Variants in CENPE observed in about 807,000 individuals in gnomAD.
CENPE encodes centromere-associated protein E.
Under a neutral mutation model 336.1 loss-of-function variants are expected in CENPE, and 145 were observed. The observed-to-expected ratio is 0.43, with a 90% CI of 0.38 to 0.50. The LOEUF is 0.50. Among genes scored for constraint, CENPE ranks in the 20% least tolerant of loss-of-function variants. CENPE has a pLI of 0.00. For missense variants in CENPE, 2,719 were observed against 3,023.3 expected (o/e 0.90, Z 2.36); for synonymous variants, 1,013 against 984.8 (o/e 1.03, Z -0.54).
intron 36 of CENPE, 48 bp downstream of exon 36, chr4:103,140,765 GC>G: frequency 2.0e-6 from 3 of 1,475,614 alleles, no homozygotes; most frequent in Non-Finnish European, 2.7e-6. Flanking sequence ...CTGTATTTTT[GC>G]CCAAATATGT....
intron 16 of CENPE, among the ~76,000 whole-genome samples, chr4:103,167,201 T>C (rs1032333861): frequency 1.3e-5 from 2 of 152,138 alleles, no homozygotes; most frequent in African/African-American, 2.4e-5. Context: ...ATATATAAAA[T>C]AGTCATCTAG....
chr4:103,150,887 CT>C (rs1753484956), intron 26 of CENPE, among the ~76,000 whole-genome samples: 1 of 152,186 alleles, frequency 6.6e-6, no homozygotes, highest in African/African-American at 2.4e-5. Flanking sequence ...AGGAAAGAAT[CT>C]TTGTTTTGTT....
chr4:103,160,818 G>A, intron 20 of CENPE, 39 bp from the exon 21 acceptor site: 1 of 1,490,398 alleles, frequency 6.7e-7, no homozygotes, highest in Non-Finnish European at 9.0e-7. Flanking sequence ...ATCCAATGTT[G>A]CCAAACAGGT....
chr4:103,171,190 T>C (rs1218243153), intron 16 of CENPE, among the ~76,000 whole-genome samples: 1 of 152,128 alleles, frequency 6.6e-6, no homozygotes, highest in Non-Finnish European at 1.5e-5. Context: ...AACAGATGTT[T>C]ACAGAACATT....
At position 103,146,107 on chromosome 4, in the gene CENPE, T is replaced by C; in HGVS notation, c.4135A>G (p.Ile1379Val). Residue 1379 changes from isoleucine (I) to valine (V), a missense_variant and splice_region_variant, in exon 30 of 49, where the codon ATC becomes GTC. By Grantham distance (29) the Ile-to-Val change is conservative. Transcript: ENST00000265148. Reference sequence around the variant, plus strand: ...TCTTGTTTGCTTTGAGACTCCTGGATCTTAAGAGAATCATAAAACAGTACA... The same window carrying C: ...TCTTGTTTGCTTTGAGACTCCTGGACCTTAAGAGAATCATAAAACAGTACA... ...KEHIRETLAK[I>V]QESQSKQEQS... is the part of the protein sequence containing the mutation. 1 of 1,611,362 alleles carries C rather than the reference T, an allele frequency of 6.2e-7. No homozygotes were observed. The highest frequency in any genetic ancestry group is 8.5e-7 in the Non-Finnish European group (1 of 1,179,186).
intron 18 of CENPE, 107 bp downstream of exon 18, chr4:103,163,030 T>G (rs1754586506): frequency 1.2e-6 from 1 of 813,864 alleles, no homozygotes; most frequent in South Asian, 2.7e-5. Flanking sequence ...TATAAATTTA[T>G]TACAACAATA....
At chr4:103,147,731 T>A in intron 28 of CENPE, 85 bp from the exon 29 acceptor site, 4 of 1,251,600 alleles carry the variant, frequency 3.2e-6, no homozygotes, top group Non-Finnish European at 4.4e-6. Flanking sequence ...TCTCACTCTG[T>A]TGCCCAGGTG....
chr4:103,195,868 A>C (rs999715500), intron 4 of CENPE, 52 bp downstream of exon 4: 1 of 1,020,642 alleles, frequency 9.8e-7, no homozygotes, highest in East Asian at 2.4e-5. Flanking sequence ...ACTGGTACCC[A>C]GTTTTTACTA....
At chr4:103,154,702 AC>A (rs1273065996) in intron 24 of CENPE, among the ~76,000 whole-genome samples, 3 of 152,228 alleles carry the variant, frequency 2.0e-5, no homozygotes, top group African/African-American at 7.2e-5. Context: ...AGGTACTTCA[AC>A]TACCACAGTT....
In CENPE at chr4:103,185,271, C is replaced by T. The variant is rs551738533; in HGVS notation, c.745+539G>A. ...ATTGAGCTGAGATCGTGCCACTGCA[C>T]TCCAGCCTGGGAGACAGAGTGAGAG... is the stretch of plus-strand genomic sequence containing the variant. On this transcript the variant is annotated intron_variant, in intron 9 of 48. Coordinates refer to ENST00000265148, the MANE Select transcript of CENPE (RefSeq NM_001813.3). 4.7e-3 allele frequency among the ~76,000 whole-genome samples: 705 copies of T among 150,036 alleles called. 4 individuals carry two copies. Among genetic ancestry groups the T allele is most frequent in the Non-Finnish European group, 7.5e-3 (510 of 67,760 alleles).
At chr4:103,160,826 G>T (rs756733923) in intron 20 of CENPE, 47 bp from the exon 21 acceptor site, 25 of 1,461,722 alleles carry the variant, frequency 1.7e-5, no homozygotes, top group Admixed American at 7.0e-5. Context: ...TTGCCAAACA[G>T]GTAATTTAAT....
At chr4:103,183,007 G>A in intron 10 of CENPE, 116 bp from the exon 11 acceptor site, 1 of 1,101,826 alleles carries the variant, frequency 9.1e-7, no homozygotes, top group South Asian at 1.6e-5. Context: ...TAGTTTACAA[G>A]TTATATGAGG....
At chr4:103,121,736 T>C (rs938727656) in intron 43 of CENPE, among the ~76,000 whole-genome samples, 2 of 151,912 alleles carry the variant, frequency 1.3e-5, no homozygotes, top group Admixed American at 6.6e-5. Context: ...AAACACTTTT[T>C]TTTTTGTAGA....
Position 103,149,431 on chromosome 4 carries a change from A to C in CENPE, c.3397-23T>G, listed in dbSNP as rs1333054339. The C allele has an allele frequency of 2.6e-6, 4 of 1,529,634 alleles. No homozygotes were observed. The East Asian group carries it at 9.0e-5, about 35-fold the overall frequency. 94.8% of individuals were successfully genotyped at this position (1,529,634 alleles called of 1,614,324 possible). ...GCTCTTAAAATGCACAATTTTTATAATTACCATTTTACTTATATTCTCAAA... is the reference window on the plus strand; with the variant it reads ...GCTCTTAAAATGCACAATTTTTATACTTACCATTTTACTTATATTCTCAAA... On this transcript the variant is annotated intron_variant, in intron 26 of 48. Transcript: ENST00000265148.
intron 9 of CENPE, among the ~76,000 whole-genome samples, chr4:103,185,185 A>T (rs1756659398): frequency 6.6e-6 from 1 of 151,960 alleles, no homozygotes; most frequent in Non-Finnish European, 1.5e-5. Flanking sequence ...CATGTCTGTA[A>T]TCCCAGCTAC....
At chr4:103,190,144 G>A (rs542024212) in intron 8 of CENPE, among the ~76,000 whole-genome samples, 244 of 152,178 alleles carry the variant, frequency 1.6e-3, no homozygotes, top group African/African-American at 5.7e-3. Context: ...AATAAAAGAG[G>A]ATACAAACAA....
intron 46 of CENPE, among the ~76,000 whole-genome samples, chr4:103,112,461 C>A (rs958500041): frequency 7.0e-6 from 1 of 143,698 alleles, no homozygotes; most frequent in Admixed American, 7.1e-5. Context: ...ATATACATAT[C>A]TATACATATA....
chr4:103,136,846 T>A lies in CENPE; in HGVS notation c.6304-487A>T, dbSNP rs186398874. ...ACTTCACACAATCCTACTATCTGCCTACAATCTGTTTTCTAACCCTTTATC... is the reference window on the plus strand; with the variant it reads ...ACTTCACACAATCCTACTATCTGCCAACAATCTGTTTTCTAACCCTTTATC... On this transcript the variant is annotated intron_variant, in intron 39 of 48. Transcript: ENST00000265148. Among the ~76,000 whole-genome samples the A allele has an allele frequency of 3.9e-5, 6 of 152,298 alleles. No homozygotes were observed. The East Asian group carries it at 1.2e-3, about 29-fold the overall frequency.
intron 24 of CENPE, among the ~76,000 whole-genome samples, chr4:103,154,492 T>C (rs1345200031): frequency 1.3e-5 from 2 of 152,110 alleles, no homozygotes; most frequent in South Asian, 2.1e-4. Flanking sequence ...TTGTTGGCAA[T>C]ATGCATGAGC....
Sources: gnomAD v4.1 joint callset for allele counts (sites outside exome capture counted in the v4.1 genomes callset) on GRCh38, gnomAD v4.1.1 for gene constraint, MANE v1.5 for transcripts, NCBI Gene and HGNC (gene_info 2026-07-23, HGNC 2026-07-21) for gene names.